CCNC: variants seen among roughly 807,000 people sequenced by gnomAD.
CCNC encodes cyclin C.
CCNC carries 19 observed loss-of-function variants against 50.0 expected under a neutral mutation model. That is an observed-to-expected ratio of 0.38 (90% CI 0.27 to 0.56). The LOEUF is 0.56. Among genes scored for constraint, CCNC ranks in the 20% least tolerant of loss-of-function variants. The pLI, the probability that CCNC is intolerant of heterozygous loss-of-function variation, is 0.72. For synonymous variants in CCNC, 93 were observed against 103.7 expected, an observed-to-expected ratio of 0.90 and a Z score of 0.63; for missense variants, 200 against 327.1, an observed-to-expected ratio of 0.61 and a Z score of 3.00.
chr6:99,558,301 ATCTT>A (rs1436979306), intron 5 of CCNC, 192 bp downstream of exon 5: 1 of 652,852 alleles, frequency 1.5e-6, no homozygotes, highest in African/African-American at 1.9e-5. Flanking sequence ...TAAAAGTAAT[ATCTT>A]TATATCTTTT....
intron 4 of CCNC, 62 bp from the exon 5 acceptor site, chr6:99,558,610 C>A: frequency 1.4e-6 from 2 of 1,458,868 alleles, no homozygotes; most frequent in South Asian, 1.3e-5. Flanking sequence ...GAACTCTATT[C>A]AAAACAGGAT....
In CCNC at chr6:99,550,979, G is replaced by T; in HGVS notation, c.438+14C>A. 1 of 1,010,206 alleles carries T rather than the reference G, an allele frequency of 9.9e-7. No homozygotes were observed. Among genetic ancestry groups the T allele is most frequent in the Non-Finnish European group, 1.4e-6 (1 of 707,052 alleles). The allele number at this position is 1,010,206 out of a possible 1,614,324, so 62.6% of individuals were successfully genotyped here. A position where few individuals can be genotyped will look rare whatever the true frequency, so the allele number is the denominator to read the frequency against. On this transcript the variant is annotated intron_variant, in intron 7 of 11. Coordinates refer to ENST00000520429, the MANE Select transcript of CCNC (RefSeq NM_005190.4). ...AAAATGTTTTAATCTATTAATCACA[G>T]AAGATTTACTTACCATTAGTTCTAA...
chr6:99,554,390 A>G (rs1167342742), intron 5 of CCNC, among the ~76,000 whole-genome samples: 1 of 152,192 alleles, frequency 6.6e-6, no homozygotes, highest in Admixed American at 6.5e-5. Context: ...TAACATGTAT[A>G]GCCAGCACCT....
chr6:99,556,197 G>A (rs562438907), intron 5 of CCNC, among the ~76,000 whole-genome samples: 2 of 152,126 alleles, frequency 1.3e-5, no homozygotes, highest in East Asian at 3.8e-4. Flanking sequence ...TTTTTAAATT[G>A]TGTTAAGATA....
At chr6:99,563,015 T>C (rs1258524464) in intron 1 of CCNC, 67 bp from the exon 2 acceptor site, 25 of 959,870 alleles carry the variant, frequency 2.6e-5, no homozygotes, top group East Asian at 1.2e-4. Context: ...ATTGAACACA[T>C]TGTTCATATT....
At chr6:99,562,273 C>G (rs1189414978) in intron 2 of CCNC, 2 of 152,510 alleles carry the variant, frequency 1.3e-5, no homozygotes, top group African/African-American at 4.8e-5. Context: ...GATCTGCCCA[C>G]CTCTGCCTCC....
intron 9 of CCNC, chr6:99,549,269 A>T: frequency 1.7e-6 from 1 of 588,846 alleles, no homozygotes; most frequent in Non-Finnish European, 3.0e-6. Context: ...ACACCGATTA[A>T]AACTATTTTG....
chr6:99,552,472 AAGT>A (rs1459443029), intron 5 of CCNC, among the ~76,000 whole-genome samples: 7 of 152,156 alleles, frequency 4.6e-5, no homozygotes, highest in Non-Finnish European at 1.0e-4. Flanking sequence ...GTTACTCATA[AAGT>A]AGTAGTAGTA....
At chr6:99,565,140 TCTGA>T (rs1220334476) in intron 1 of CCNC, among the ~76,000 whole-genome samples, 1 of 152,122 alleles carries the variant, frequency 6.6e-6, no homozygotes, top group Non-Finnish European at 1.5e-5. Context: ...TCTGAAAATT[TCTGA>T]CTATTCTATC....
intron 11 of CCNC, chr6:99,543,937 A>C (rs753919949): frequency 8.0e-6 from 10 of 1,251,662 alleles, no homozygotes; most frequent in African/African-American, 1.6e-5. Context: ...AGCTTCTTCT[A>C]AACAAATTTC....
At chr6:99,548,786 G>A (rs1162470166) in intron 9 of CCNC, among the ~76,000 whole-genome samples, 1 of 125,246 alleles carries the variant, frequency 8.0e-6, no homozygotes, top group Non-Finnish European at 1.6e-5. Flanking sequence ...CTGGGAGACA[G>A]AGTGAGACTC....
chr6:99,568,468 C>G, intron 1 of CCNC, 28 bp downstream of exon 1: 1 of 1,609,162 alleles, frequency 6.2e-7, no homozygotes, highest in Non-Finnish European at 8.5e-7. Flanking sequence ...AAAACCGGCC[C>G]CAGGTGAGAA....
At chr6:99,552,594 T>C (rs1177040605) in intron 5 of CCNC, among the ~76,000 whole-genome samples, 1 of 152,080 alleles carries the variant, frequency 6.6e-6, no homozygotes, top group Non-Finnish European at 1.5e-5. Flanking sequence ...CTTAAAATGG[T>C]GTGAGCATAT....
chr6:99,558,572 T>C (rs369306723), intron 4 of CCNC, 24 bp from the exon 5 acceptor site: 6 of 1,586,466 alleles, frequency 3.8e-6, no homozygotes, highest in East Asian at 2.2e-5. Flanking sequence ...AGCAGGTACA[T>C]GTTAACCCAA....
chr6:99,543,683 CT>C, intron 11 of CCNC, 74 bp from the exon 12 acceptor site: 1 of 1,584,756 alleles, frequency 6.3e-7, no homozygotes, highest in Non-Finnish European at 8.6e-7. Context: ...AGCCTACTGA[CT>C]TTTAAATTCA....
At chr6:99,544,384 A>G (rs1801990731) in intron 11 of CCNC, 1 of 877,222 alleles carries the variant, frequency 1.1e-6, no homozygotes. Flanking sequence ...GTAGCAATCC[A>G]TAAATCTATC....
intron 8 of CCNC, 173 bp from the exon 9 acceptor site, chr6:99,549,748 G>A (rs1487806196): frequency 2.1e-6 from 1 of 483,614 alleles, no homozygotes; most frequent in East Asian, 3.0e-5. Flanking sequence ...ATACATGAAT[G>A]TGACAACAAA....
intron 9 of CCNC, among the ~76,000 whole-genome samples, chr6:99,548,242 G>C (rs1190670327): frequency 6.6e-6 from 1 of 152,040 alleles, no homozygotes; most frequent in Non-Finnish European, 1.5e-5. Context: ...GAAGACAGCA[G>C]GGATGGCAAA....
intron 4 of CCNC, among the ~76,000 whole-genome samples, chr6:99,558,979 C>T (rs1376452858): frequency 6.6e-6 from 1 of 151,908 alleles, no homozygotes; most frequent in Non-Finnish European, 1.5e-5. Flanking sequence ...ATAAAAGGTA[C>T]CAAATTAGAA....
Sources: allele counts gnomAD v4.1 joint callset (sites outside exome capture counted in the v4.1 genomes callset), GRCh38; gene constraint gnomAD v4.1.1; transcripts MANE v1.5; gene names NCBI Gene and HGNC (gene_info 2026-07-23, HGNC 2026-07-21).